The following TNRC6B variants were observed in gnomAD, a reference collection of about 807,000 sequenced individuals.
TNRC6B encodes the protein trinucleotide repeat containing adaptor 6B.
TNRC6B carries 52 observed loss-of-function variants against 203.6 expected under a neutral mutation model. The observed-to-expected ratio is 0.26, with a 90% CI of 0.20 to 0.32. TNRC6B has a LOEUF of 0.32. TNRC6B is among the 10% of genes least tolerant of loss of function. TNRC6B has a pLI of 1.00. For synonymous variants in TNRC6B, 838 were observed against 845.7 expected (o/e 0.99, Z 0.16); for missense variants, 1,923 against 2,286.2 (o/e 0.84, Z 3.24).
chr22:40,185,783 C>T (rs944416863), intron 1 of TNRC6B, among the ~76,000 whole-genome samples: 2 of 151,886 alleles, frequency 1.3e-5, no homozygotes, highest in African/African-American at 2.4e-5. Flanking sequence ...TGGGGGGGCA[C>T]TGATTAAAGG....
Position 40,329,675 on chromosome 22 carries a change from AC to A in TNRC6B, c.*6437del, listed in dbSNP as rs1205472382. On this transcript the variant is annotated 3_prime_UTR_variant, in exon 23 of 23. Coordinates refer to ENST00000454349, the MANE Select transcript of TNRC6B (RefSeq NM_001162501.2). ...AGAGCTACTCCTCCAGCAGCTCAGC[AC>A]CCACACTGCCCGCATGCGTGTGGCC... 1 of 152,148 alleles carries A rather than the reference AC, an allele frequency of 6.6e-6. No individual in the cohort carries two copies. The highest frequency in any genetic ancestry group is 1.5e-5 in the Non-Finnish European group (1 of 68,048). The allele number at this position is 152,148 out of a possible 1,614,324, so 9.4% of individuals were successfully genotyped here.
At chr22:40,209,620 C>T (rs1178659048) in intron 1 of TNRC6B, among the ~76,000 whole-genome samples, 1 of 152,188 alleles carries the variant, frequency 6.6e-6, no homozygotes, top group Non-Finnish European at 1.5e-5. Context: ...AGAGGATCCC[C>T]TGCTGCAGTC....
intron 3 of TNRC6B, among the ~76,000 whole-genome samples, chr22:40,152,261 T>C (rs2068764842): frequency 6.6e-6 from 1 of 152,204 alleles, no homozygotes; most frequent in Non-Finnish European, 1.5e-5. Context: ...CTATGGGAGC[T>C]AGAAGACAAC....
At position 40,087,084 on chromosome 22, in the gene TNRC6B, G is replaced by C. The variant is rs2068107134; in HGVS notation, c.-120-29971G>C. Among the ~76,000 whole-genome samples the C allele has an allele frequency of 2.0e-5, 3 of 152,228 alleles. No homozygotes were observed. In the South Asian group the frequency reaches 6.2e-4, roughly 32 times the overall value. On this transcript the variant is annotated intron_variant, in intron 1 of 23. Transcript: ENST00000301923. ...AATTTTGCTTTATTATATATCCTCA[G>C]CTTATACTGCATCAGTAGTGAAAAG...
intron 1 of TNRC6B, among the ~76,000 whole-genome samples, chr22:40,240,844 A>T (rs966271655): frequency 6.6e-6 from 1 of 152,036 alleles, no homozygotes; most frequent in Admixed American, 6.6e-5. Context: ...TGTTTTGGAG[A>T]CAGGGTCTCA....
chr22:40,049,246 A>G (rs2067724250), intron 1 of TNRC6B, among the ~76,000 whole-genome samples: 1 of 151,928 alleles, frequency 6.6e-6, no homozygotes, highest in African/African-American at 2.4e-5. Flanking sequence ...GGATTTCACC[A>G]TGTTGGCCAG....
At chr22:40,091,025 A>G (rs1306087744) in intron 1 of TNRC6B, among the ~76,000 whole-genome samples, 2 of 152,210 alleles carry the variant, frequency 1.3e-5, no homozygotes, top group Admixed American at 1.3e-4. Flanking sequence ...TCTCTCGCCC[A>G]GGCTGGAGTG....
intron 2 of TNRC6B, among the ~76,000 whole-genome samples, chr22:40,119,512 A>G (rs1159467995): frequency 6.6e-6 from 1 of 152,208 alleles, no homozygotes; most frequent in Non-Finnish European, 1.5e-5. Context: ...TGAACCTGGG[A>G]GGCAGAGGTT....
rs539431783 is a variant in TNRC6B, at chr22:40,180,928, A to T, written c.5+2788A>T. Among the ~76,000 whole-genome samples, 168 of 152,332 alleles carry T rather than the reference A, an allele frequency of 1.1e-3. 1 individual carries two copies. The highest frequency in any genetic ancestry group is 3.9e-3 in the African/African-American group (164 of 41,568). On this transcript the variant is annotated intron_variant, in intron 1 of 22. Transcript: ENST00000454349. ...AATCTATATTTCCTAATGCTGGATC[A>T]ACTAGTGATAATATCACAACATTAC... is the stretch of plus-strand genomic sequence containing the variant.
At chr22:40,239,579 G>C (rs1388858144) in intron 1 of TNRC6B, among the ~76,000 whole-genome samples, 6 of 152,186 alleles carry the variant, frequency 3.9e-5, no homozygotes, top group Admixed American at 3.9e-4. Flanking sequence ...GATGGTTTTT[G>C]TCAGGCGTGC....
intron 2 of TNRC6B, among the ~76,000 whole-genome samples, chr22:40,117,284 T>G (rs2068396733): frequency 6.6e-6 from 1 of 152,202 alleles, no homozygotes; most frequent in Admixed American, 6.5e-5. Context: ...TTTCCTACTA[T>G]ATGGTAGGTG....
At position 40,172,563 on chromosome 22, in the gene TNRC6B, G is replaced by A. The variant is rs138311141; in HGVS notation, c.113+16381G>A. 9.2e-5 allele frequency among the ~76,000 whole-genome samples: 14 copies of A among 152,248 alleles called. No individual in the cohort carries two copies. The East Asian group carries it at 2.5e-3, about 27-fold the overall frequency. ...TGAATTATTCTCTTAAAACTACTCA[G>A]TTCTGTCTGATAATATTTTACTTAG... On this transcript the variant is annotated intron_variant, in intron 4 of 23. Coordinates refer to the TNRC6B transcript ENST00000301923.
rs778345508 is a variant in TNRC6B at position 40,262,137 on chromosome 22, G to A, written c.421G>A (p.Gly141Arg). 6.7e-7 allele frequency: 1 copy of A among 1,483,760 alleles called. No homozygotes were observed. The highest frequency in any genetic ancestry group is 1.4e-5 in the South Asian group (1 of 72,174). The allele number at this position is 1,483,760 out of a possible 1,614,324, so 91.9% of individuals were successfully genotyped here. The change falls in exon 4 of 23, where the codon GGA (glycine) becomes AGA (arginine). Residue 141 changes from glycine (G) to arginine (R), a missense_variant. By Grantham distance (125) the Gly-to-Arg change is moderately radical. Coordinates refer to ENST00000454349, the MANE Select transcript of TNRC6B (RefSeq NM_001162501.2). ...GANPNNAQVT[G>R]ALLQSESGTA... ...AAACCCAAACAACGCACAAGTGACA[G>A]GAGCGCTGCTGCAGAGTGAGAGTGG...
chr22:40,067,670 G>T (rs2067907268), intron 1 of TNRC6B, among the ~76,000 whole-genome samples: 1 of 152,174 alleles, frequency 6.6e-6, no homozygotes, highest in Non-Finnish European at 1.5e-5. Context: ...AAAGGCTGAA[G>T]ATCGTGGAGT....
intron 12 of TNRC6B, among the ~76,000 whole-genome samples, chr22:40,294,073 CAAAAAAAAA>C (rs11354611): frequency 4.7e-4 from 38 of 80,302 alleles, no homozygotes; most frequent in African/African-American, 1.7e-3. Context: ...CCCATCTCTA[CAAAAAAAAA>C]AAAAAAAAAA....
intron 1 of TNRC6B, among the ~76,000 whole-genome samples, chr22:40,234,463 A>G (rs1321602268): frequency 6.6e-6 from 1 of 152,214 alleles, no homozygotes; most frequent in African/African-American, 2.4e-5. Context: ...AGATCTAGGG[A>G]CCAGCAGCTT....
intron 4 of TNRC6B, among the ~76,000 whole-genome samples, chr22:40,162,024 T>G (rs1408406179): frequency 6.6e-6 from 1 of 152,224 alleles, no homozygotes; most frequent in African/African-American, 2.4e-5. Context: ...GCTTTTGATT[T>G]GGTCTTATTT....
At chr22:40,320,347 G>C (rs552011446) in intron 21 of TNRC6B, among the ~76,000 whole-genome samples, 1 of 152,294 alleles carries the variant, frequency 6.6e-6, no homozygotes, top group South Asian at 2.1e-4. Flanking sequence ...GGGAGTTGTG[G>C]TGTGCGCCTG....
At chr22:40,253,600 A>G (rs2070226403) in intron 3 of TNRC6B, 3 of 456,272 alleles carry the variant, frequency 6.6e-6, no homozygotes, top group South Asian at 3.1e-5. Context: ...CACCACTCCA[A>G]TCAAAAGATA....
Sources: allele counts gnomAD v4.1 joint callset (sites outside exome capture counted in the v4.1 genomes callset), GRCh38; gene constraint gnomAD v4.1.1; transcripts MANE v1.5; gene names NCBI Gene and HGNC (gene_info 2026-07-23, HGNC 2026-07-21).